TMEM132D: variants seen among roughly 807,000 people sequenced by gnomAD.
TMEM132D encodes the protein transmembrane protein 132D, also known as mature OL transmembrane protein.
A neutral mutation model predicts 62.3 loss-of-function variants in TMEM132D; 21 were observed. The ratio of observed to expected loss-of-function variants is 0.34; its 90% CI spans 0.24 to 0.49. The LOEUF (loss-of-function observed/expected upper bound fraction) is 0.49, where lower values mean the gene tolerates loss of function less well. TMEM132D is among the 20% of genes least tolerant of loss of function. TMEM132D has a pLI of 0.99. For missense variants in TMEM132D, 1,346 were observed against 1,402.8 expected, an observed-to-expected ratio of 0.96 and a Z score of 0.65; for synonymous variants, 621 against 575.6, an observed-to-expected ratio of 1.08 and a Z score of -1.13.
At chr12:129,111,303 C>G (rs944084212) in intron 5 of TMEM132D, 2 of 152,214 alleles carry the variant, frequency 1.3e-5, no homozygotes, top group African/African-American at 4.8e-5. Context: ...TTTCCCAGAG[C>G]CTCTGGAAGG....
intron 1 of TMEM132D, among the ~76,000 whole-genome samples, chr12:129,880,167 G>A (rs1303989475): frequency 1.3e-5 from 2 of 152,102 alleles, no homozygotes; most frequent in Non-Finnish European, 2.9e-5. Context: ...AATTTCAGCA[G>A]ACTTCTTGTC....
chr12:129,759,322 T>C (rs1389672412), intron 1 of TMEM132D, among the ~76,000 whole-genome samples: 1 of 152,174 alleles, frequency 6.6e-6, no homozygotes, highest in East Asian at 1.9e-4. Flanking sequence ...TGTGTTAGGG[T>C]TTGGCCTTCA....
At chr12:129,162,980 G>A (rs1877443215) in intron 5 of TMEM132D, among the ~76,000 whole-genome samples, 1 of 152,168 alleles carries the variant, frequency 6.6e-6, no homozygotes, top group Admixed American at 6.5e-5. Flanking sequence ...CGCAGGACCA[G>A]CTCTCAACAT....
intron 3 of TMEM132D, among the ~76,000 whole-genome samples, chr12:129,415,102 G>A (rs1347582045): frequency 6.6e-6 from 1 of 152,146 alleles, no homozygotes; most frequent in Non-Finnish European, 1.5e-5. Flanking sequence ...TCTTGACTAT[G>A]GTGAATTATG....
At chr12:129,747,673 A>G (rs1565971942) in intron 1 of TMEM132D, among the ~76,000 whole-genome samples, 2 of 150,672 alleles carry the variant, frequency 1.3e-5, no homozygotes, top group South Asian at 2.1e-4. Flanking sequence ...ACACATTCAG[A>G]CACACACAGA....
chr12:129,756,699 C>T (rs755354024), intron 1 of TMEM132D, among the ~76,000 whole-genome samples: 42 of 152,218 alleles, frequency 2.8e-4, no homozygotes, highest in Admixed American at 6.5e-4. Context: ...GTATATTTTA[C>T]CAGAATTAAA....
chr12:129,396,699 C>G (rs889522883), intron 3 of TMEM132D, among the ~76,000 whole-genome samples: 7 of 152,122 alleles, frequency 4.6e-5, no homozygotes, highest in African/African-American at 1.4e-4. Flanking sequence ...TGTGATTTTC[C>G]TCACTCATTG....
chr12:129,445,338 CAAGA>C (rs1873065421), intron 3 of TMEM132D, among the ~76,000 whole-genome samples: 1 of 152,030 alleles, frequency 6.6e-6, no homozygotes, highest in South Asian at 2.1e-4. Context: ...AGGAGAGAAT[CAAGA>C]AAAATAACTA....
chr12:129,402,340 C>T (rs1424383566), intron 3 of TMEM132D, among the ~76,000 whole-genome samples: 2 of 152,252 alleles, frequency 1.3e-5, no homozygotes, highest in South Asian at 2.1e-4. Context: ...AGCTCTCACT[C>T]GACGGCATTT....
intron 1 of TMEM132D, among the ~76,000 whole-genome samples, chr12:129,813,417 T>C (rs907488202): frequency 6.6e-6 from 1 of 151,542 alleles, no homozygotes; most frequent in Non-Finnish European, 1.5e-5. Context: ...TTCCTGCAAA[T>C]AAAATAGAAG....
intron 1 of TMEM132D, among the ~76,000 whole-genome samples, chr12:129,753,575 A>G (rs1234010988): frequency 6.6e-6 from 1 of 152,232 alleles, no homozygotes; most frequent in Non-Finnish European, 1.5e-5. Context: ...TGCTTTTCTT[A>G]TCCCCTAAAA....
chr12:129,080,378 T>G (rs938236703), intron 7 of TMEM132D, among the ~76,000 whole-genome samples: 9 of 152,202 alleles, frequency 5.9e-5, no homozygotes, highest in Admixed American at 2.0e-4. Flanking sequence ...CTGTCTGTCT[T>G]TCAGCACACA....
In TMEM132D at chr12:129,135,068, C is replaced by A. The variant is rs1012377388; in HGVS notation, c.1444-50366G>T. On this transcript the variant is annotated intron_variant, in intron 5 of 8. Transcript: ENST00000422113. ...ATCAATGGAATTGCGTGTGGTCATA[C>A]CCCCTATGATATGGAAAAGTCTGTT... Among the ~76,000 whole-genome samples, 5 of 152,114 alleles carry A rather than the reference C, an allele frequency of 3.3e-5. No individual in the cohort carries two copies. The East Asian group carries it at 5.8e-4, about 18-fold the overall frequency.
chr12:129,615,921 C>T (rs925718945), intron 2 of TMEM132D, among the ~76,000 whole-genome samples: 8 of 152,232 alleles, frequency 5.3e-5, no homozygotes, highest in Non-Finnish European at 1.0e-4. Context: ...GGCAGCTCCT[C>T]TCTTCTCTAC....
At chr12:129,274,648 A>T (rs1350468440) in intron 4 of TMEM132D, among the ~76,000 whole-genome samples, 3 of 152,206 alleles carry the variant, frequency 2.0e-5, no homozygotes, top group Non-Finnish European at 4.4e-5. Flanking sequence ...GCACTTTGGG[A>T]GTCTGAGGCG....
intron 1 of TMEM132D, among the ~76,000 whole-genome samples, chr12:129,825,157 GCACAGGC>G (rs1199776437): frequency 1.3e-5 from 2 of 151,580 alleles, no homozygotes; most frequent in Non-Finnish European, 2.9e-5. Context: ...GGGATTACAG[GCACAGGC>G]CACCCGGGTA....
chr12:129,380,679 T>C (rs931426591), intron 3 of TMEM132D, among the ~76,000 whole-genome samples: 2 of 152,074 alleles, frequency 1.3e-5, no homozygotes, highest in Non-Finnish European at 1.5e-5. Flanking sequence ...CCCACAAGGC[T>C]CCTTCCTGTG....
At chr12:129,209,232 A>G (rs778421657) in intron 5 of TMEM132D, among the ~76,000 whole-genome samples, 3 of 152,116 alleles carry the variant, frequency 2.0e-5, no homozygotes, top group Non-Finnish European at 4.4e-5. Context: ...GCCTCCCACG[A>G]CAATCTCCCT....
chr12:129,711,131 A>G (rs1452439429), intron 1 of TMEM132D, among the ~76,000 whole-genome samples: 1 of 152,198 alleles, frequency 6.6e-6, no homozygotes, highest in Non-Finnish European at 1.5e-5. Context: ...AAAACTTGAA[A>G]TGTAACGCTT....
Sources: gnomAD v4.1 joint callset for allele counts (sites outside exome capture counted in the v4.1 genomes callset) on GRCh38, gnomAD v4.1.1 for gene constraint, MANE v1.5 for transcripts, NCBI Gene and HGNC (gene_info 2026-07-23, HGNC 2026-07-21) for gene names.